Variants in LRP3 observed in about 807,000 individuals in gnomAD.
LRP3 encodes the protein LDL receptor related protein 3.
In LRP3, 49 loss-of-function variants were observed where a neutral mutation model predicts 58.5. That is an observed-to-expected ratio of 0.84 (90% CI 0.67 to 1.06). LRP3 has a LOEUF of 1.06. Among genes scored for constraint, LRP3 ranks in the 50% least tolerant of loss-of-function variants. The probability of loss-of-function intolerance (pLI) is 0.00; values close to 1 mark genes in which losing one functional copy is unlikely to be tolerated. For missense variants in LRP3, 1,019 were observed against 1,134.2 expected (o/e 0.90, Z 1.46); for synonymous variants, 485 against 492.2 (o/e 0.99, Z 0.20).
Position 33,207,489 on chromosome 19 carries a change from G to A in LRP3, c.2227G>A (p.Glu743Lys). The change falls in exon 7 of 7, where the codon GAG (glutamate) becomes AAG (lysine). Residue 743 changes from glutamate (E) to lysine (K), a missense_variant. This residue lies in a region of LRP3 where 427 missense variants were observed against 408.6 expected (regional missense o/e 1.04). Coordinates refer to ENST00000253193, the MANE Select transcript of LRP3 (RefSeq NM_002333.4). ...CAGCACCCTGGGCCCCCACTCGCCA[G>A]AGCCACTGGGGGTCTGCAGGAACCC... ...ASSTLGPHSP[E>K]PLGVCRNPPP... is the part of the protein sequence containing the mutation. 6.2e-7 allele frequency: 1 copy of A among 1,602,074 alleles called. No individual in the cohort carries two copies. Among genetic ancestry groups the A allele is most frequent in the Non-Finnish European group, 8.5e-7 (1 of 1,177,498 alleles).
chr19:33,206,956 T>C (rs998527093), intron 6 of LRP3, 32 bp from the exon 7 acceptor site: 3 of 1,399,004 alleles, frequency 2.1e-6, no homozygotes, highest in Non-Finnish European at 1.9e-6. Flanking sequence ...CTCAGCCGCA[T>C]CCCCCCGCCC....
At position 33,208,820 on chromosome 19, in the gene LRP3, T is replaced by A; in HGVS notation, c.*1245T>A. 6.2e-7 allele frequency: 1 copy of A among 1,601,856 alleles called. No homozygotes were observed. The highest frequency in any genetic ancestry group is 8.5e-7 in the Non-Finnish European group (1 of 1,172,674). On this transcript the variant is annotated 3_prime_UTR_variant, in exon 7 of 7. Transcript: ENST00000253193. This position sits in a 1 kb window ranked among gnomAD's most constrained non-coding sequence, Gnocchi z 4.7. The stretch of plus-strand genomic sequence containing the variant: ...TTTCCAGAAAAAAACAAAACAAAAC[T>A]TTTTTGCCAAAACACCTCCTCAATA...
In LRP3 at chr19:33,204,620, C is replaced by T; in HGVS notation, c.261-18C>T. ...CCACCTACTGCCTCATGTCTGGGTC[C>T]TCTCCGCCCCCCCGCAGCTTCCGCA... On this transcript the variant is annotated intron_variant, in intron 3 of 6. Transcript: ENST00000253193. 1 of 1,580,188 alleles carries T rather than the reference C, an allele frequency of 6.3e-7. No individual in the cohort carries two copies. Among genetic ancestry groups the T allele is most frequent in the South Asian group, 1.1e-5 (1 of 90,340 alleles).
intron 2 of LRP3, among the ~76,000 whole-genome samples, chr19:33,199,282 C>T (rs1163369938): frequency 6.6e-6 from 1 of 152,116 alleles, no homozygotes; most frequent in Admixed American, 6.5e-5. Flanking sequence ...ACCCTGTGCC[C>T]TACCACATGC....
rs745692086 is a variant in LRP3 at position 33,205,295 on chromosome 19, C to T, written c.525C>T (p.Asn175=). ...AGGCAGATGAGTTCCGCTGTGACAA[C>T]GGCAAGTGCCTGCCCGGCCCGTGGC... ...SCQADEFRCD[N]GKCLPGPWQC... Residue 175 remains asparagine, a synonymous_variant, in exon 5 of 7, where the codon AAC becomes AAT. Coordinates refer to ENST00000253193, the MANE Select transcript of LRP3 (RefSeq NM_002333.4). The T allele has an allele frequency of 1.2e-5, 19 of 1,611,060 alleles. No homozygotes were observed. The highest frequency in any genetic ancestry group is 2.7e-5 in the African/African-American group (2 of 74,924).
chr19:33,204,957 G>C, intron 4 of LRP3, 105 bp downstream of exon 4: 2 of 1,093,934 alleles, frequency 1.8e-6, no homozygotes, highest in Non-Finnish European at 2.6e-6. Flanking sequence ...CCGGCTCCCT[G>C]TGGGATGTCC....
chr19:33,207,037 G>C lies in LRP3; in HGVS notation c.1775G>C (p.Arg592Pro). ...ACAGCCATGCGGAGACAGATGCGTC[G>C]GCACGCCTCCCGCCGGGGGCCCTCC... ...LRTAMRRQMR[R>P]HASRRGPSRR... Residue 592 changes from arginine (R) to proline (P), a missense_variant, in exon 7 of 7, where the codon CGG becomes CCG. Coordinates refer to ENST00000253193, the MANE Select transcript of LRP3 (RefSeq NM_002333.4). 1 of 1,483,904 alleles carries C rather than the reference G, an allele frequency of 6.7e-7. No homozygotes were observed. Among genetic ancestry groups the C allele is most frequent in the Non-Finnish European group, 8.9e-7 (1 of 1,122,972 alleles). 91.9% of individuals were successfully genotyped at this position (1,483,904 alleles called of 1,614,324 possible). A position where few individuals can be genotyped will look rare whatever the true frequency, so the allele number is the denominator to read the frequency against.
At chr19:33,204,935 C>T (rs2145455785) in intron 4 of LRP3, 83 bp downstream of exon 4, 4 of 1,302,576 alleles carry the variant, frequency 3.1e-6, no homozygotes, top group Non-Finnish European at 4.3e-6. Context: ...GGGCGGCACC[C>T]TCCACAGGGC....
chr19:33,206,326 C>G lies in LRP3; in HGVS notation c.1556C>G (p.Ala519Gly), dbSNP rs759461381. ...GLLLVIALGC[A>G]FKLYSLRTQE... is the part of the protein sequence containing the mutation. ...CTGCTGGTCATCGCGCTGGGCTGCG[C>G]CTTCAAGCTCTACTCACTGCGCACG... The change falls in exon 5 of 7, where the codon GCC (alanine) becomes GGC (glycine). Residue 519 changes from alanine (A) to glycine (G), a missense_variant. This residue lies in a region of LRP3 where 427 missense variants were observed against 408.6 expected (regional missense o/e 1.04). Transcript: ENST00000253193. The G allele has an allele frequency of 3.7e-6, 6 of 1,600,216 alleles. No homozygotes were observed. In the South Asian group the frequency reaches 6.6e-5, roughly 18 times the overall value.
At chr19:33,206,872 G>A in intron 6 of LRP3, 116 bp from the exon 7 acceptor site, 4 of 1,213,670 alleles carry the variant, frequency 3.3e-6, no homozygotes, top group Non-Finnish European at 4.5e-6. Flanking sequence ...GGGGGGGGTG[G>A]ACAAGGTGGT....
chr19:33,199,359 A>G (rs184097042), intron 2 of LRP3, among the ~76,000 whole-genome samples: 19 of 152,058 alleles, frequency 1.2e-4, no homozygotes, highest in Admixed American at 1.2e-3. Context: ...CTGTAGTCTC[A>G]GCACTTTGGG....
chr19:33,206,412 C>T (rs769663796), intron 5 of LRP3, 50 bp downstream of exon 5: 2 of 1,599,152 alleles, frequency 1.3e-6, no homozygotes, highest in Non-Finnish European at 1.7e-6. Flanking sequence ...ATCACCCAGG[C>T]TTGCTGTCCC....
chr19:33,205,532 C>G lies in LRP3; in HGVS notation c.762C>G (p.Cys254Trp). 1 of 1,571,672 alleles carries G rather than the reference C, an allele frequency of 6.4e-7. No individual in the cohort carries two copies. The highest frequency in any genetic ancestry group is 8.6e-7 in the Non-Finnish European group (1 of 1,162,104). The change falls in exon 5 of 7, where the codon TGC becomes TGG. Residue 254 changes from cysteine (C) to tryptophan (W), a missense_variant. This residue lies in a region of LRP3 where 592 missense variants were observed against 725.5 expected (regional missense o/e 0.82). Coordinates refer to ENST00000253193, the MANE Select transcript of LRP3 (RefSeq NM_002333.4). ...SDEAGCPDLA[C>W]GRRLGSFYGS... is the part of the protein sequence containing the mutation. ...AGGCGGGCTGCCCCGACCTGGCGTG[C>G]GGCCGGCGGCTGGGCAGCTTCTACG...
intron 4 of LRP3, 62 bp downstream of exon 4, chr19:33,204,914 C>A: frequency 6.6e-7 from 1 of 1,524,190 alleles, no homozygotes; most frequent in Non-Finnish European, 9.0e-7. Context: ...CCACAGGCTC[C>A]CGGCCCACAG....
In LRP3 at chr19:33,204,912, TC is replaced by T. The variant is rs2071593486; in HGVS notation, c.475+63del. ...GAGCACACCGTGCATGCCCACAGGC[TC>T]CCGGCCCACAGGGGCGGCACCCTCC... On this transcript the variant is annotated intron_variant, in intron 4 of 6. Transcript: ENST00000253193. 4 of 1,530,616 alleles carry T rather than the reference TC, an allele frequency of 2.6e-6. No individual in the cohort carries two copies. The Admixed American group carries it at 6.9e-5, about 27-fold the overall frequency. 94.8% of individuals were successfully genotyped at this position (1,530,616 alleles called of 1,614,324 possible). A position where few individuals can be genotyped will look rare whatever the true frequency, so the allele number is the denominator to read the frequency against.
chr19:33,194,870 G>A lies in LRP3; in HGVS notation c.73+12G>A. On this transcript the variant is annotated intron_variant, in intron 1 of 6. Transcript: ENST00000253193. ...CGTCGTCTGTCTGGGTGAGTGGGCC[G>A]CGCGGGCCGGGCAGGTCCGGGTCCC... The A allele has an allele frequency of 9.1e-7, 1 of 1,096,646 alleles. No homozygotes were observed. Among genetic ancestry groups the A allele is most frequent in the Non-Finnish European group, 1.1e-6 (1 of 900,724 alleles). 67.9% of individuals were successfully genotyped at this position (1,096,646 alleles called of 1,614,324 possible).
rs753276659 is a variant in LRP3, at chr19:33,196,730, T to G, written c.74T>G (p.Val25Gly). Reference protein sequence around the residue: ...ARAQLAVVCLVNIFLTGRLSS... With the variant: ...ARAQLAVVCLGNIFLTGRLSS... ...GACCCTTTCTTTGTATCTCCCACAG[T>G]GAACATCTTTCTCACCGGGAGACTC... The change falls in exon 2 of 7, where the codon GTG (valine) becomes GGG (glycine). Residue 25 changes from valine to glycine, a missense_variant and splice_region_variant. Coordinates refer to ENST00000253193, the MANE Select transcript of LRP3 (RefSeq NM_002333.4). 2.0e-5 allele frequency: 33 copies of G among 1,614,042 alleles called. No individual in the cohort carries two copies. Among genetic ancestry groups the G allele is most frequent in the Non-Finnish European group, 2.7e-5 (32 of 1,179,976 alleles).
chr19:33,207,169 G>T lies in LRP3; in HGVS notation c.1907G>T (p.Gly636Val). 1 of 1,544,138 alleles carries T rather than the reference G, an allele frequency of 6.5e-7. No individual in the cohort carries two copies. The change falls in exon 7 of 7, where the codon GGC (glycine) becomes GTC (valine). Residue 636 changes from glycine to valine, a missense_variant. By Grantham distance (109) the Gly-to-Val change is moderately radical (BLOSUM62 -3). This residue lies in a region of LRP3 where 427 missense variants were observed against 408.6 expected (regional missense o/e 1.04). Transcript: ENST00000253193. The stretch of plus-strand genomic sequence containing the variant: ...GCACGCCCCTCACAGACCGTGCTGG[G>T]CGATGGCTTCCTCCAGCCTGCTCCA... ...TAARPSQTVLGDGFLQPAPGA... is the reference protein window; with the variant it reads ...TAARPSQTVLVDGFLQPAPGA...
chr19:33,202,174 C>T (rs1599934371), intron 2 of LRP3, among the ~76,000 whole-genome samples: 1 of 152,228 alleles, frequency 6.6e-6, no homozygotes, highest in East Asian at 1.9e-4. Context: ...CAGGATAAAA[C>T]TCAAATTCTG....
Sources: allele counts gnomAD v4.1 joint callset (sites outside exome capture counted in the v4.1 genomes callset), GRCh38; gene constraint gnomAD v4.1.1; regional missense constraint gnomAD v4.1.1; non-coding constraint Gnocchi (gnomAD v3.1); transcripts MANE v1.5; gene names NCBI Gene and HGNC (gene_info 2026-07-23, HGNC 2026-07-21).